Variants in GRID2 observed in about 807,000 individuals in gnomAD.
GRID2 encodes the protein glutamate ionotropic receptor delta type subunit 2, also known as glutamate receptor ionotropic, delta-2.
GRID2 carries 33 observed loss-of-function variants against 114.8 expected under a neutral mutation model. That is an observed-to-expected ratio of 0.29 (90% CI 0.22 to 0.38). GRID2 has a LOEUF of 0.38. Ranked by LOEUF, GRID2 falls within the 10% of genes least tolerant of loss-of-function variation. The pLI, the probability that GRID2 is intolerant of heterozygous loss-of-function variation, is 1.00. For missense variants in GRID2, 1,184 were observed against 1,257.7 expected (o/e 0.94, Z 0.89); for synonymous variants, 505 against 449.9 (o/e 1.12, Z -1.55).
intron 2 of GRID2, among the ~76,000 whole-genome samples, chr4:93,039,362 A>G (rs1262040829): frequency 6.6e-6 from 1 of 152,086 alleles, no homozygotes; most frequent in Admixed American, 6.6e-5. Flanking sequence ...AGAAATACCT[A>G]ATGTAGATGA....
Position 92,713,476 on chromosome 4 carries a change from C to CACAT in GRID2, c.244+123191_244+123192insCATA, listed in dbSNP as rs1167121792. Among the ~76,000 whole-genome samples the CACAT allele has an allele frequency of 1.1e-3, 62 of 54,064 alleles. 3 individuals carry two copies. The East Asian group carries it at 0.033, about 29-fold the overall frequency. 35.5% of individuals were successfully genotyped at this position (54,064 alleles called of 152,430 possible). On this transcript the variant is annotated intron_variant, in intron 2 of 15. Coordinates refer to ENST00000282020, the MANE Select transcript of GRID2 (RefSeq NM_001510.4). ...TTACATATATTTACATATACATATA[C>CACAT]ATATATATATATATATATATATATA...
intron 1 of GRID2, among the ~76,000 whole-genome samples, chr4:92,366,271 A>G (rs142491480): frequency 6.6e-6 from 1 of 152,150 alleles, no homozygotes; most frequent in East Asian, 1.9e-4. Flanking sequence ...CCCATATTAC[A>G]TTCCTTATCT....
At chr4:92,889,737 G>A (rs185338811) in intron 2 of GRID2, among the ~76,000 whole-genome samples, 40 of 152,250 alleles carry the variant, frequency 2.6e-4, no homozygotes, top group Non-Finnish European at 4.6e-4. Flanking sequence ...AGCTACCACT[G>A]ACTTTCTTCA....
chr4:92,647,806 T>C (rs910998950), intron 2 of GRID2, among the ~76,000 whole-genome samples: 25 of 149,734 alleles, frequency 1.7e-4, no homozygotes, highest in Admixed American at 4.7e-4. Flanking sequence ...AAATTTAACA[T>C]GTATGTCTGA....
intron 8 of GRID2, among the ~76,000 whole-genome samples, chr4:93,263,264 G>A (rs1431618169): frequency 6.6e-6 from 1 of 151,880 alleles, no homozygotes; most frequent in African/African-American, 2.4e-5. Context: ...CTTAGAAAAA[G>A]TAGTAATTTC....
intron 1 of GRID2, among the ~76,000 whole-genome samples, chr4:92,584,066 C>G (rs1728308023): frequency 6.6e-6 from 1 of 151,354 alleles, no homozygotes; most frequent in African/African-American, 2.4e-5. Context: ...TAAATTGTAT[C>G]AAAAACGCTA....
intron 2 of GRID2, among the ~76,000 whole-genome samples, chr4:92,989,541 T>C (rs1754737878): frequency 6.6e-6 from 1 of 152,032 alleles, no homozygotes; most frequent in Non-Finnish European, 1.5e-5. Flanking sequence ...AAAGGTACGA[T>C]AGGTTTTAAG....
At chr4:93,582,759 A>C (rs747737579) in intron 13 of GRID2, among the ~76,000 whole-genome samples, 7 of 152,210 alleles carry the variant, frequency 4.6e-5, no homozygotes, top group Admixed American at 1.3e-4. Flanking sequence ...TTGTGAGATT[A>C]TATTTAGATT....
At chr4:92,404,233 GAGTT>G (rs981753554) in intron 1 of GRID2, among the ~76,000 whole-genome samples, 1 of 152,122 alleles carries the variant, frequency 6.6e-6, no homozygotes, top group African/African-American at 2.4e-5. Context: ...AAGAAATTAA[GAGTT>G]AGGTAACTTT....
At chr4:93,082,299 T>C (rs1349709631) in intron 2 of GRID2, among the ~76,000 whole-genome samples, 4 of 152,168 alleles carry the variant, frequency 2.6e-5, no homozygotes, top group African/African-American at 9.7e-5. Context: ...TTTACTTCGC[T>C]ATGCAAAATT....
At chr4:92,518,544 T>C (rs1339210257) in intron 1 of GRID2, among the ~76,000 whole-genome samples, 1 of 151,736 alleles carries the variant, frequency 6.6e-6, no homozygotes, top group African/African-American at 2.4e-5. Context: ...GCCAGAGGAT[T>C]GTGGGAGGAG....
rs897601564 is a variant in GRID2 at position 93,082,058 on chromosome 4, G to C, written c.245-2937G>C. ...ATGCTTCAACCGACATTTTGTTTTGGTAAAATAGGGCCAAATGGGCATCAA... is the reference window on the plus strand; with the variant it reads ...ATGCTTCAACCGACATTTTGTTTTGCTAAAATAGGGCCAAATGGGCATCAA... On this transcript the variant is annotated intron_variant, in intron 2 of 15. Coordinates refer to ENST00000282020, the MANE Select transcript of GRID2 (RefSeq NM_001510.4). Among the ~76,000 whole-genome samples the C allele has an allele frequency of 3.9e-5, 6 of 152,224 alleles. No homozygotes were observed. The East Asian group carries it at 9.7e-4, about 25-fold the overall frequency.
intron 1 of GRID2, among the ~76,000 whole-genome samples, chr4:92,445,296 C>T (rs976786241): frequency 6.6e-6 from 1 of 152,132 alleles, no homozygotes; most frequent in Non-Finnish European, 1.5e-5. Flanking sequence ...TGTCGTGCTG[C>T]TAAACAATTG....
At chr4:92,577,770 A>G (rs1319009374) in intron 1 of GRID2, among the ~76,000 whole-genome samples, 1 of 152,172 alleles carries the variant, frequency 6.6e-6, no homozygotes, top group Non-Finnish European at 1.5e-5. Flanking sequence ...TGGAATTACC[A>G]TGGAATTAGG....
intron 1 of GRID2, among the ~76,000 whole-genome samples, chr4:92,474,894 T>A (rs1722217643): frequency 6.8e-6 from 1 of 147,984 alleles, no homozygotes; most frequent in African/African-American, 2.5e-5. Flanking sequence ...TCTTATCAAG[T>A]ATATAATTTG....
intron 13 of GRID2, among the ~76,000 whole-genome samples, chr4:93,521,097 G>A (rs1157620304): frequency 2.0e-5 from 3 of 152,114 alleles, no homozygotes; most frequent in Non-Finnish European, 4.4e-5. Context: ...AATGTGGGGT[G>A]AAAAAGAGGA....
At chr4:93,002,996 C>T (rs770413506) in intron 2 of GRID2, among the ~76,000 whole-genome samples, 2 of 151,840 alleles carry the variant, frequency 1.3e-5, no homozygotes, top group African/African-American at 2.4e-5. Flanking sequence ...TGTCAGATCT[C>T]TCTCTGCCTC....
chr4:93,701,341 A>G (rs115566139), intron 14 of GRID2, among the ~76,000 whole-genome samples: 6,402 of 152,206 alleles, frequency 0.042, 215 homozygotes, highest in African/African-American at 0.084. Context: ...TGAAAACTTC[A>G]AAATCAGTTG....
chr4:92,867,954 T>C (rs1381441602), intron 2 of GRID2, among the ~76,000 whole-genome samples: 1 of 152,128 alleles, frequency 6.6e-6, no homozygotes, highest in Non-Finnish European at 1.5e-5. Context: ...ATTTTCACAG[T>C]TGGTTGTACT....
Sources: allele counts gnomAD v4.1 joint callset (sites outside exome capture counted in the v4.1 genomes callset), GRCh38; gene constraint gnomAD v4.1.1; transcripts MANE v1.5; gene names NCBI Gene and HGNC (gene_info 2026-07-23, HGNC 2026-07-21).